Variants in EXOC4 observed in about 807,000 individuals in gnomAD.
EXOC4 encodes SEC8-like 1.
EXOC4 carries 71 observed loss-of-function variants against 107.2 expected under a neutral mutation model. The observed-to-expected ratio is 0.66, with a 90% confidence interval of 0.55 to 0.81. The LOEUF is 0.81. EXOC4 is among the 30% of genes least tolerant of loss of function. EXOC4 has a pLI of 0.00. For synonymous variants in EXOC4, 456 were observed against 441.2 expected (o/e 1.03, Z -0.42); for missense variants, 1,108 against 1,189.6 (o/e 0.93, Z 1.01).
At chr7:133,287,314 T>C (rs1273447464) in intron 2 of EXOC4, among the ~76,000 whole-genome samples, 1 of 151,722 alleles carries the variant, frequency 6.6e-6, no homozygotes, top group Non-Finnish European at 1.5e-5. Context: ...TATATATATA[T>C]GTATATTTTT....
At chr7:133,533,920 G>T (rs185227820) in intron 9 of EXOC4, among the ~76,000 whole-genome samples, 57 of 152,152 alleles carry the variant, frequency 3.7e-4, no homozygotes, top group Admixed American at 3.1e-3. Flanking sequence ...AAAAAGGAAG[G>T]GAAGGAAGAT....
At chr7:133,846,772 G>A (rs527694885) in intron 11 of EXOC4, among the ~76,000 whole-genome samples, 87 of 152,310 alleles carry the variant, frequency 5.7e-4, no homozygotes, top group African/African-American at 2.0e-3. Flanking sequence ...AAAGTGGGTG[G>A]CAGGCCACAT....
At chr7:133,484,289 G>T in intron 9 of EXOC4, 13 of 1,004,030 alleles carry the variant, frequency 1.3e-5, no homozygotes, top group Non-Finnish European at 1.8e-5. Context: ...TGGCAGTTGG[G>T]CTGCGGAGAT....
intron 5 of EXOC4, among the ~76,000 whole-genome samples, chr7:133,325,087 T>C (rs1795206927): frequency 6.6e-6 from 1 of 152,186 alleles, no homozygotes; most frequent in East Asian, 1.9e-4. Flanking sequence ...ATCCCTCTAT[T>C]TTGAGCCTAT....
At chr7:133,855,533 A>G (rs946496595) in intron 11 of EXOC4, among the ~76,000 whole-genome samples, 1 of 152,128 alleles carries the variant, frequency 6.6e-6, no homozygotes, top group African/African-American at 2.4e-5. Context: ...ATTTTAGCCT[A>G]TAACCTTCAA....
rs578113100 is a variant in EXOC4, at chr7:133,758,610, G to T, written c.1515-58715G>T. ...ACAGAGTCACATATACAGATGCCAT[G>T]AGGGCACTGGGGATGAACACGTGTT... is the stretch of plus-strand genomic sequence containing the variant. On this transcript the variant is annotated intron_variant, in intron 10 of 17. Coordinates refer to ENST00000253861, the MANE Select transcript of EXOC4 (RefSeq NM_021807.4). Among the ~76,000 whole-genome samples, 3 of 152,354 alleles carry T rather than the reference G, an allele frequency of 2.0e-5. No individual in the cohort carries two copies. In the South Asian group the frequency reaches 6.2e-4, roughly 32 times the overall value.
intron 5 of EXOC4, among the ~76,000 whole-genome samples, chr7:133,325,239 T>C (rs1032009514): frequency 1.3e-5 from 2 of 152,216 alleles, no homozygotes; most frequent in Non-Finnish European, 2.9e-5. Flanking sequence ...ATGTGTGAAT[T>C]TGGTCCTGTC....
intron 5 of EXOC4, among the ~76,000 whole-genome samples, chr7:133,322,581 C>T (rs945482956): frequency 2.0e-4 from 30 of 152,120 alleles, no homozygotes; most frequent in Non-Finnish European, 1.8e-4. Flanking sequence ...TTCTGTATAT[C>T]TGTTTTGTTA....
At chr7:133,494,345 A>G (rs1799432597) in intron 9 of EXOC4, among the ~76,000 whole-genome samples, 1 of 152,192 alleles carries the variant, frequency 6.6e-6, no homozygotes, top group African/African-American at 2.4e-5. Context: ...TTGAAAAAAA[A>G]AGGTTACAGC....
intron 11 of EXOC4, among the ~76,000 whole-genome samples, chr7:133,883,836 T>G (rs1157635122): frequency 6.6e-6 from 1 of 152,194 alleles, no homozygotes; most frequent in East Asian, 1.9e-4. Context: ...ATGTATAGCC[T>G]TTTGCAAGTC....
chr7:133,743,799 A>T (rs1795618353), intron 10 of EXOC4, among the ~76,000 whole-genome samples: 1 of 152,130 alleles, frequency 6.6e-6, no homozygotes, highest in Non-Finnish European at 1.5e-5. Context: ...GTTTTGAGCT[A>T]CTTGGGTGTT....
chr7:133,772,905 G>A (rs1295980760), intron 10 of EXOC4, among the ~76,000 whole-genome samples: 1 of 152,036 alleles, frequency 6.6e-6, no homozygotes, highest in Non-Finnish European at 1.5e-5. Context: ...GCTAAGCCCT[G>A]GATGTTTCTG....
the EXOC4 span, among the ~76,000 whole-genome samples, chr7:134,072,264 C>T: frequency 6.6e-6 from 1 of 152,090 alleles, no homozygotes; most frequent in Non-Finnish European, 1.5e-5. Context: ...TCTGGAACCC[C>T]TGTAACAAAA....
At chr7:133,681,989 A>G (rs1485925914) in intron 10 of EXOC4, among the ~76,000 whole-genome samples, 1 of 152,092 alleles carries the variant, frequency 6.6e-6, no homozygotes, top group East Asian at 1.9e-4. Flanking sequence ...CTGCAGCCTC[A>G]AACTCCCAGG....
intron 9 of EXOC4, among the ~76,000 whole-genome samples, chr7:133,498,382 G>C (rs1438368826): frequency 6.6e-6 from 1 of 152,098 alleles, no homozygotes; most frequent in East Asian, 1.9e-4. Context: ...TGAGGAGATT[G>C]AGACCATCCT....
At chr7:133,659,397 A>G (rs762744866) in intron 10 of EXOC4, among the ~76,000 whole-genome samples, 13 of 152,112 alleles carry the variant, frequency 8.5e-5, no homozygotes, top group Non-Finnish European at 1.3e-4. Flanking sequence ...CACTGAGCAA[A>G]TATATACTAA....
chr7:133,500,286 C>T (rs1584961311), intron 9 of EXOC4, among the ~76,000 whole-genome samples: 1 of 152,236 alleles, frequency 6.6e-6, no homozygotes, highest in East Asian at 1.9e-4. Flanking sequence ...GTATCCTTTT[C>T]AGTCTGTTTC....
chr7:133,739,756 C>T (rs981693165), intron 10 of EXOC4, among the ~76,000 whole-genome samples: 1 of 152,194 alleles, frequency 6.6e-6, no homozygotes, highest in Non-Finnish European at 1.5e-5. Context: ...TGCAGTTCAG[C>T]CTGGCCAAGT....
chr7:133,375,306 TC>T (rs1584864944), intron 7 of EXOC4, among the ~76,000 whole-genome samples: 1 of 152,252 alleles, frequency 6.6e-6, no homozygotes, highest in South Asian at 2.1e-4. Context: ...TGAAACCTTG[TC>T]TCTACTAAAA....
Sources: allele counts gnomAD v4.1 joint callset (sites outside exome capture counted in the v4.1 genomes callset), GRCh38; gene constraint gnomAD v4.1.1; transcripts MANE v1.5; gene names NCBI Gene and HGNC (gene_info 2026-07-23, HGNC 2026-07-21).